GLIS3: variants seen among roughly 807,000 people sequenced by gnomAD.
GLIS3 encodes GLIS family zinc finger 3.
GLIS3 carries 53 observed loss-of-function variants against 78.6 expected under a neutral mutation model. The observed-to-expected ratio is 0.67, with a 90% confidence interval of 0.54 to 0.85. The LOEUF is 0.85. GLIS3 is among the 40% of genes least tolerant of loss of function. The pLI is 0.00. For missense variants in GLIS3, 1,703 were observed against 1,231.1 expected (o/e 1.38, Z -5.74); for synonymous variants, 684 against 509.9 (o/e 1.34, Z -4.60).
At chr9:3,993,686 A>G (rs1304226944) in intron 4 of GLIS3, among the ~76,000 whole-genome samples, 2 of 152,190 alleles carry the variant, frequency 1.3e-5, no homozygotes, top group African/African-American at 4.8e-5. Flanking sequence ...ACATTCTATC[A>G]TAAGATTTTC....
At chr9:3,965,667 G>A (rs1423086703) in intron 4 of GLIS3, among the ~76,000 whole-genome samples, 1 of 152,168 alleles carries the variant, frequency 6.6e-6, no homozygotes, top group Non-Finnish European at 1.5e-5. Flanking sequence ...CAGAAGGAGT[G>A]GAAGGCGCTG....
At chr9:4,445,289 T>C in the GLIS3 span, among the ~76,000 whole-genome samples, 2 of 152,166 alleles carry the variant, frequency 1.3e-5, no homozygotes, top group East Asian at 3.8e-4. Flanking sequence ...CTGTTTTTAT[T>C]ATATAAAGTC....
At chr9:3,997,763 C>T (rs1820850626) in intron 4 of GLIS3, among the ~76,000 whole-genome samples, 1 of 151,930 alleles carries the variant, frequency 6.6e-6, no homozygotes, top group South Asian at 2.1e-4. Flanking sequence ...GGAAATATTT[C>T]TCTAAATGTC....
chr9:4,081,075 G>C (rs1828521072), intron 4 of GLIS3, among the ~76,000 whole-genome samples: 1 of 152,130 alleles, frequency 6.6e-6, no homozygotes, highest in South Asian at 2.1e-4. Context: ...ATCTGCCCCA[G>C]AACTGTTTGG....
intron 6 of GLIS3, among the ~76,000 whole-genome samples, chr9:3,903,316 C>T (rs1457209109): frequency 6.6e-6 from 1 of 152,178 alleles, no homozygotes; most frequent in Non-Finnish European, 1.5e-5. Context: ...TAAAAAATTT[C>T]AGTCTAGTTT....
rs771080075 is a variant in GLIS3 at position 4,125,932 on chromosome 9, C to G, written c.398G>C (p.Gly133Ala). Reference sequence around the variant, plus strand: ...AATGGACTTGCACTGAGGCCCAAAGCCAAGAGCCCCTAAAAACAAATGAAT... The same window carrying G: ...AATGGACTTGCACTGAGGCCCAAAGGCAAGAGCCCCTAAAAACAAATGAAT... ...FPPNPGKGAL[G>A]FGPQCKSIGK... Residue 133 changes from glycine (G) to alanine (A), a missense_variant, in exon 3 of 11, where the codon GGC becomes GCC. By Grantham distance (60) the Gly-to-Ala change is moderately conservative. Transcript: ENST00000381971. 13 of 1,613,570 alleles carry G rather than the reference C, an allele frequency of 8.1e-6. No individual in the cohort carries two copies. In the Admixed American group the frequency reaches 1.2e-4, roughly 14 times the overall value.
At chr9:4,337,447 A>T (rs1817771088) in intron 2 of GLIS3, among the ~76,000 whole-genome samples, 1 of 152,238 alleles carries the variant, frequency 6.6e-6, no homozygotes, top group Non-Finnish European at 1.5e-5. Flanking sequence ...AATCGTACGG[A>T]CAGTATTTTC....
the GLIS3 span, among the ~76,000 whole-genome samples, chr9:4,394,755 G>A: frequency 6.6e-6 from 1 of 152,132 alleles, no homozygotes; most frequent in Non-Finnish European, 1.5e-5. Flanking sequence ...ACTTATGCAA[G>A]CACATTTTCC....
In GLIS3 at chr9:4,015,089, A is replaced by G. The variant is rs1249241568; in HGVS notation, c.1711-77900T>C. Among the ~76,000 whole-genome samples the G allele has an allele frequency of 1.6e-4, 25 of 152,246 alleles. 1 individual carries two copies. Among genetic ancestry groups the G allele is most frequent in the Admixed American group, 1.6e-3 (25 of 15,284 alleles). On this transcript the variant is annotated intron_variant, in intron 4 of 10. Coordinates refer to ENST00000381971, the MANE Select transcript of GLIS3 (RefSeq NM_001042413.2). ...AGCTATAGAGAAAACATAGTGTCCA[A>G]TAAGAGCACATGTGGATTTGACCTA...
intron 4 of GLIS3, among the ~76,000 whole-genome samples, chr9:3,974,291 A>G (rs1309773070): frequency 1.3e-5 from 2 of 152,166 alleles, no homozygotes; most frequent in African/African-American, 2.4e-5. Context: ...ACTATGGTTT[A>G]GTTTTACCCT....
intron 2 of GLIS3, among the ~76,000 whole-genome samples, chr9:4,131,734 G>A (rs896069353): frequency 6.6e-6 from 1 of 152,018 alleles, no homozygotes; most frequent in African/African-American, 2.4e-5. Flanking sequence ...CCAGTCTCAA[G>A]TATTTCTTTA....
At chr9:4,158,143 C>A (rs912882083) in intron 2 of GLIS3, among the ~76,000 whole-genome samples, 2 of 152,076 alleles carry the variant, frequency 1.3e-5, no homozygotes, top group Admixed American at 1.3e-4. Flanking sequence ...CTTTCCAAAA[C>A]GATGCCTCTT....
intron 4 of GLIS3, among the ~76,000 whole-genome samples, chr9:3,973,306 A>AT (rs1310229699): frequency 1.3e-5 from 2 of 152,084 alleles, no homozygotes; most frequent in African/African-American, 4.8e-5. Context: ...TGCATCATTG[A>AT]TTAATTGTTT....
At chr9:3,907,749 T>C (rs1823823346) in intron 6 of GLIS3, among the ~76,000 whole-genome samples, 1 of 152,148 alleles carries the variant, frequency 6.6e-6, no homozygotes, top group Admixed American at 6.5e-5. Context: ...TGAGACTACC[T>C]GAATTGGCAC....
At chr9:4,074,002 T>C (rs938006227) in intron 4 of GLIS3, among the ~76,000 whole-genome samples, 4 of 152,148 alleles carry the variant, frequency 2.6e-5, no homozygotes, top group Admixed American at 1.3e-4. Context: ...AGGTGCAAGT[T>C]TGAAGTTTTA....
the GLIS3 span, among the ~76,000 whole-genome samples, chr9:4,401,116 C>T: frequency 1.3e-5 from 2 of 152,180 alleles, no homozygotes; most frequent in Non-Finnish European, 2.9e-5. Flanking sequence ...CACTTGGGGT[C>T]CCTAAGTCCA....
At chr9:4,356,595 T>C in the GLIS3 span, among the ~76,000 whole-genome samples, 1 of 152,258 alleles carries the variant, frequency 6.6e-6, no homozygotes, top group Non-Finnish European at 1.5e-5. Flanking sequence ...CTGTCTCTAT[T>C]GCAGCTATTG....
intron 4 of GLIS3, among the ~76,000 whole-genome samples, chr9:4,042,756 T>G (rs1029923224): frequency 1.8e-4 from 28 of 152,134 alleles, no homozygotes; most frequent in Non-Finnish European, 5.9e-5. Context: ...ATGGCAGTAT[T>G]CTTTGGAAAA....
intron 1 of GLIS3, among the ~76,000 whole-genome samples, chr9:4,290,031 A>G (rs1250757027): frequency 6.6e-6 from 1 of 152,152 alleles, no homozygotes; most frequent in East Asian, 1.9e-4. Context: ...TCATGGATTA[A>G]AAGATTAAAC....
Sources: gnomAD v4.1 joint callset for allele counts (sites outside exome capture counted in the v4.1 genomes callset) on GRCh38, gnomAD v4.1.1 for gene constraint, MANE v1.5 for transcripts, NCBI Gene and HGNC (gene_info 2026-07-23, HGNC 2026-07-21) for gene names.